The following SUZ12 variants were observed in gnomAD, a reference collection of about 807,000 sequenced individuals.
The protein encoded by SUZ12 is SUZ12 polycomb repressive complex 2 subunit.
In SUZ12, 17 loss-of-function variants were observed where a neutral mutation model predicts 87.3. The ratio of observed to expected loss-of-function variants is 0.19; its 90% confidence interval spans 0.13 to 0.29. The LOEUF (loss-of-function observed/expected upper bound fraction) is 0.29, where lower values mean the gene tolerates loss of function less well. Ranked by LOEUF, SUZ12 falls within the 10% of genes least tolerant of loss-of-function variation. The probability of loss-of-function intolerance (pLI) is 1.00; values close to 1 mark genes in which losing one functional copy is unlikely to be tolerated. For missense variants in SUZ12, 526 were observed against 912.2 expected, an observed-to-expected ratio of 0.58 and a Z score of 5.45; for synonymous variants, 253 against 312.4, an observed-to-expected ratio of 0.81 and a Z score of 2.01.
At chr17:31,978,788 G>A (rs1046683778) in intron 8 of SUZ12, among the ~76,000 whole-genome samples, 9 of 152,034 alleles carry the variant, frequency 5.9e-5, no homozygotes, top group African/African-American at 2.2e-4. Flanking sequence ...GAAGAAACTG[G>A]GAGAATTTCC....
rs1909527513 is a variant in SUZ12 at position 31,988,441 on chromosome 17, CAG to C, written c.1150_1151del (p.Leu385ProfsTer10). The C allele has an allele frequency of 6.2e-7, 1 of 1,613,750 alleles. No homozygotes were observed. Among genetic ancestry groups the C allele is most frequent in the Non-Finnish European group, 8.5e-7 (1 of 1,179,908 alleles). On this transcript the variant is annotated frameshift_variant, in exon 10 of 16. Transcript: ENST00000322652. LOFTEE classifies it high-confidence loss of function. The stretch of plus-strand genomic sequence containing the variant: ...GCCAAACCTCTTGCCACTAGAAATT[CAG>C]AGAGTCTCCATCAGGAAAACAAGCC...
chr17:31,953,413 A>G (rs950116012), intron 4 of SUZ12, among the ~76,000 whole-genome samples: 1 of 151,432 alleles, frequency 6.6e-6, no homozygotes, highest in Non-Finnish European at 1.5e-5. Flanking sequence ...GCCTGGCTTT[A>G]TTTTTATTTT....
rs189460717 is a variant in SUZ12 at position 31,950,361 on chromosome 17, T to G, written c.455+2676T>G. Among the ~76,000 whole-genome samples, 841 of 152,314 alleles carry G rather than the reference T, an allele frequency of 5.5e-3. 3 individuals are homozygous for G. The highest frequency in any genetic ancestry group is 8.7e-3 in the South Asian group (42 of 4,824). The stretch of plus-strand genomic sequence containing the variant: ...TATATGATGCCAGCAATATAAATAT[T>G]TGCTTCTAAAATCTATTGTCAAATT... On this transcript the variant is annotated intron_variant, in intron 4 of 15. Transcript: ENST00000322652.
intron 1 of SUZ12, among the ~76,000 whole-genome samples, chr17:31,938,996 C>G (rs752461813): frequency 6.6e-6 from 1 of 152,064 alleles, no homozygotes; most frequent in Non-Finnish European, 1.5e-5. Flanking sequence ...GTATAATGAC[C>G]TAACGTGACA....
chr17:31,949,762 CA>C (rs1344360416), intron 4 of SUZ12, among the ~76,000 whole-genome samples: 2 of 133,478 alleles, frequency 1.5e-5, no homozygotes, highest in African/African-American at 5.6e-5. Context: ...CTTGGCTCTA[CA>C]GCCTCCACCT....
chr17:31,996,764 G>T (rs1016832596), intron 14 of SUZ12, 34 bp from the exon 15 acceptor site: 2 of 1,402,934 alleles, frequency 1.4e-6, no homozygotes, highest in African/African-American at 3.0e-5. Context: ...CTTAAAATAT[G>T]TGTTTAATAG....
intron 5 of SUZ12, among the ~76,000 whole-genome samples, chr17:31,972,005 C>T (rs555750412): frequency 5.9e-5 from 9 of 151,712 alleles, no homozygotes; most frequent in Non-Finnish European, 1.2e-4. Flanking sequence ...TAAATATGGC[C>T]GGGTGTGGTG....
chr17:31,995,270 A>G (rs1488855775), intron 13 of SUZ12, among the ~76,000 whole-genome samples: 4 of 152,200 alleles, frequency 2.6e-5, no homozygotes, highest in Non-Finnish European at 5.9e-5. Flanking sequence ...TTTTATATGC[A>G]TATTCCTATC....
At chr17:31,989,678 A>G (rs1344669274) in intron 10 of SUZ12, among the ~76,000 whole-genome samples, 1 of 151,802 alleles carries the variant, frequency 6.6e-6, no homozygotes, top group East Asian at 1.9e-4. Flanking sequence ...GGCTCACTGC[A>G]CGCTCTGCCT....
At chr17:31,975,351 A>T in intron 6 of SUZ12, 131 bp from the exon 7 acceptor site, 1 of 607,956 alleles carries the variant, frequency 1.6e-6, no homozygotes, top group East Asian at 3.0e-5. Flanking sequence ...AACTATGGTT[A>T]GAATTTTAAC....
chr17:31,942,054 A>G (rs57352683), intron 3 of SUZ12, among the ~76,000 whole-genome samples: 7,082 of 150,502 alleles, frequency 0.047, 531 homozygotes, highest in African/African-American at 0.16. Flanking sequence ...GGGTTTCACT[A>G]TGTTGGCCAA....
chr17:31,988,111 G>A (rs1489868178), intron 9 of SUZ12, among the ~76,000 whole-genome samples: 1 of 152,100 alleles, frequency 6.6e-6, no homozygotes, highest in Non-Finnish European at 1.5e-5. Context: ...GCCTCTTTTA[G>A]ACAGCCTGTG....
intron 5 of SUZ12, among the ~76,000 whole-genome samples, chr17:31,972,237 A>G (rs917194141): frequency 6.6e-6 from 1 of 151,942 alleles, no homozygotes; most frequent in Non-Finnish European, 1.5e-5. Context: ...GTGAACCAAG[A>G]TCGCCCTACT....
intron 3 of SUZ12, among the ~76,000 whole-genome samples, chr17:31,941,566 T>C (rs1040907709): frequency 5.3e-5 from 8 of 151,314 alleles, no homozygotes; most frequent in African/African-American, 1.9e-4. Context: ...CTTTTTTTTT[T>C]TGAAACGGAG....
intron 3 of SUZ12, among the ~76,000 whole-genome samples, chr17:31,943,551 C>T (rs1351836932): frequency 1.3e-5 from 2 of 152,034 alleles, no homozygotes; most frequent in African/African-American, 4.8e-5. Flanking sequence ...GTAATCAAAT[C>T]GATTGCTAAT....
intron 5 of SUZ12, chr17:31,967,154 G>A (rs562557269): frequency 6.6e-6 from 1 of 150,850 alleles, no homozygotes; most frequent in Non-Finnish European, 1.5e-5. Context: ...AGCTGAGATT[G>A]CGTTACTGCA....
At chr17:31,985,815 A>ACCATGCCCAGCTGATTTTCATATTTTTT (rs1909378136) in intron 9 of SUZ12, among the ~76,000 whole-genome samples, 1 of 151,930 alleles carries the variant, frequency 6.6e-6, no homozygotes, top group Non-Finnish European at 1.5e-5. Flanking sequence ...GGTGTGCACC[A>ACCATGCCCAGCTGATTTTCATATTTTTT]CCATGCCCAG....
At chr17:31,990,854 C>T (rs1254136156) in intron 10 of SUZ12, among the ~76,000 whole-genome samples, 1 of 152,024 alleles carries the variant, frequency 6.6e-6, no homozygotes, top group Non-Finnish European at 1.5e-5. Flanking sequence ...CTCAAGCGAT[C>T]CTCCCACCTT....
At chr17:31,950,922 A>G (rs934964128) in intron 4 of SUZ12, among the ~76,000 whole-genome samples, 7 of 151,932 alleles carry the variant, frequency 4.6e-5, no homozygotes, top group African/African-American at 1.7e-4. Flanking sequence ...CTGGGACTAC[A>G]GGCGCCCGCC....
Sources: allele counts gnomAD v4.1 joint callset (sites outside exome capture counted in the v4.1 genomes callset), GRCh38; gene constraint gnomAD v4.1.1; transcripts MANE v1.5; gene names NCBI Gene and HGNC (gene_info 2026-07-23, HGNC 2026-07-21).